The following USP53 variants were observed in gnomAD, a reference collection of about 807,000 sequenced individuals.
The protein encoded by USP53 is ubiquitin specific peptidase 53.
USP53 carries 71 observed loss-of-function variants against 94.9 expected under a neutral mutation model. The ratio of observed to expected loss-of-function variants is 0.75; its 90% CI spans 0.62 to 0.91. USP53 has a LOEUF of 0.91. USP53 is among the 40% of genes least tolerant of loss of function. USP53 has a pLI of 0.00. For synonymous variants in USP53, 375 were observed against 422.7 expected (o/e 0.89, Z 1.39); for missense variants, 1,173 against 1,281.0 (o/e 0.92, Z 1.29).
intron 7 of USP53, among the ~76,000 whole-genome samples, chr4:119,253,331 A>G (rs907226787): frequency 6.6e-6 from 1 of 152,124 alleles, no homozygotes; most frequent in African/African-American, 2.4e-5. Flanking sequence ...AAAGTCTCCC[A>G]TTATTATTGC....
chr4:119,288,062 T>C (rs1235663268), intron 17 of USP53, among the ~76,000 whole-genome samples: 2 of 152,234 alleles, frequency 1.3e-5, no homozygotes, highest in Non-Finnish European at 2.9e-5. Context: ...GATATCTTTA[T>C]AATCTTAGAA....
At chr4:119,213,911 G>GAAGA (rs1296733429) in intron 1 of USP53, among the ~76,000 whole-genome samples, 159 bp from the exon 2 acceptor site, 3 of 151,156 alleles carry the variant, frequency 2.0e-5, no homozygotes, top group Non-Finnish European at 2.9e-5. Context: ...GTACACTTAG[G>GAAGA]AAGGTTTTTG....
intron 5 of USP53, among the ~76,000 whole-genome samples, chr4:119,241,161 C>T (rs80228054): frequency 0.011 from 1,608 of 152,212 alleles, 29 homozygotes; most frequent in African/African-American, 0.036. Context: ...AGAAACAAAA[C>T]GCATATTAGA....
chr4:119,231,619 G>T (rs548842808), intron 3 of USP53, among the ~76,000 whole-genome samples: 1 of 152,108 alleles, frequency 6.6e-6, no homozygotes, highest in Non-Finnish European at 1.5e-5. Context: ...TCTCTAGCAG[G>T]ACTCACAGGG....
intron 7 of USP53, among the ~76,000 whole-genome samples, chr4:119,249,575 G>A (rs910277192): frequency 8.0e-5 from 12 of 150,920 alleles, no homozygotes; most frequent in South Asian, 2.1e-4. Flanking sequence ...TTTTCTTTCC[G>A]TATTAATTCC....
chr4:119,279,826 C>G (rs551982156), intron 17 of USP53, among the ~76,000 whole-genome samples: 4 of 152,142 alleles, frequency 2.6e-5, no homozygotes, highest in African/African-American at 9.7e-5. Flanking sequence ...TAAGCCGGTC[C>G]GAAAAGCGCA....
rs374987384 is a variant in USP53 at position 119,239,901 on chromosome 4, C to G, written c.142C>G (p.Gln48Glu). ...QNSCFLNSAV[Q>E]VLWQLDIFRR... ...CAGCTGCTTTCTTAATAGCGCTGTA[C>G]AGGTGAGACCATAATTACTTATTAC... The change falls in exon 5 of 19, where the codon CAG becomes GAG. Residue 48 changes from glutamine to glutamate, a missense_variant and splice_region_variant. Physicochemically the swap from Gln to Glu is conservative, Grantham distance 29. Coordinates refer to ENST00000692078, the MANE Select transcript of USP53 (RefSeq NM_001371395.1). 5 of 1,492,124 alleles carry G rather than the reference C, an allele frequency of 3.4e-6. No individual in the cohort carries two copies. The African/African-American group carries it at 5.6e-5, about 17-fold the overall frequency. 92.4% of individuals were successfully genotyped at this position (1,492,124 alleles called of 1,614,324 possible).
At chr4:119,235,525 C>T (rs1746617471) in intron 4 of USP53, 114 bp downstream of exon 4, 1 of 152,074 alleles carries the variant, frequency 6.6e-6, no homozygotes, top group Non-Finnish European at 1.5e-5. Context: ...TGATCTTCCG[C>T]ACTTGACCTC....
In USP53 at chr4:119,256,424, T is replaced by C. The variant is rs1261394049; in HGVS notation, c.487-17T>C. 5.6e-6 allele frequency: 9 copies of C among 1,613,816 alleles called. No homozygotes were observed. The highest frequency in any genetic ancestry group is 1.1e-5 in the South Asian group (1 of 91,076). On this transcript the variant is annotated splice_polypyrimidine_tract_variant and intron_variant, in intron 8 of 18. Transcript: ENST00000692078. ...TTTTATGATTGATAGATTAAACATA[T>C]GTTTTTACCTATATAGTGTGTGTGT...
chr4:119,259,984 A>G lies in USP53; in HGVS notation c.675+59A>G, dbSNP rs1020663409. 7 of 1,258,094 alleles carry G rather than the reference A, an allele frequency of 5.6e-6. No homozygotes were observed. In the Admixed American group the frequency reaches 1.3e-4, roughly 23 times the overall value. 77.9% of individuals were successfully genotyped at this position (1,258,094 alleles called of 1,614,324 possible). A position where few individuals can be genotyped will look rare whatever the true frequency, so the allele number is the denominator to read the frequency against. On this transcript the variant is annotated intron_variant, in intron 10 of 18. Transcript: ENST00000692078. ...TTGTTTTGTAGATTTGAAAATAGGC[A>G]TTCAGATATTATCATGTAAATATTG...
rs1755077976 is a variant in USP53 at position 119,294,445 on chromosome 4, G to A, written c.*1234G>A. 1 of 151,984 alleles carries A rather than the reference G, an allele frequency of 6.6e-6. No individual in the cohort carries two copies. Among genetic ancestry groups the A allele is most frequent in the African/African-American group, 2.4e-5 (1 of 41,418 alleles). The allele number at this position is 151,984 out of a possible 1,614,324, so 9.4% of individuals were successfully genotyped here. The stretch of plus-strand genomic sequence containing the variant: ...ATTTTTATTATTATGGTAACCTTAT[G>A]AGTAAAAATAAGTTACTTTAATTGC... On this transcript the variant is annotated 3_prime_UTR_variant, in exon 19 of 19. Transcript: ENST00000692078.
intron 17 of USP53, among the ~76,000 whole-genome samples, chr4:119,274,212 G>A (rs1046190335): frequency 3.3e-5 from 5 of 150,984 alleles, no homozygotes; most frequent in Non-Finnish European, 7.4e-5. Flanking sequence ...TCGTCATCTA[G>A]CATTAGGTAT....
Position 119,271,576 on chromosome 4 carries a change from C to G in USP53, c.1716C>G (p.Ser572Arg). ...AAGATTCTAGGGATAGAGGAAACAG[C>G]TGTGATAGCAGCAGTAAAAGCCGGA... ...SSQDSRDRGNSCDSSSKSRNR... is the reference protein window; with the variant it reads ...SSQDSRDRGNRCDSSSKSRNR... Residue 572 changes from serine (S) to arginine (R), a missense_variant, in exon 16 of 19, where the codon AGC (serine) becomes AGG (arginine). Transcript: ENST00000692078. The G allele has an allele frequency of 6.2e-7, 1 of 1,613,684 alleles. No homozygotes were observed. The highest frequency in any genetic ancestry group is 8.5e-7 in the Non-Finnish European group (1 of 1,180,026).
chr4:119,267,323 G>C lies in USP53; in HGVS notation c.976G>C (p.Gly326Arg). The change falls in exon 13 of 19, where the codon GGA (glycine) becomes CGA (arginine). Residue 326 changes from glycine to arginine, a missense_variant. Transcript: ENST00000692078. ...FFDDANVKEIGTRWKDVVSKC... is the reference protein window; with the variant it reads ...FFDDANVKEIRTRWKDVVSKC... ...ATTCATTGTGTTTTTTTAAAAGATT[G>C]GAACTAGATGGAAAGATGTTGTCTC... 6.2e-7 allele frequency: 1 copy of C among 1,610,398 alleles called. No homozygotes were observed. The highest frequency in any genetic ancestry group is 8.5e-7 in the Non-Finnish European group (1 of 1,178,908).
At chr4:119,279,254 G>T (rs1160561422) in intron 17 of USP53, among the ~76,000 whole-genome samples, 1 of 113,432 alleles carries the variant, frequency 8.8e-6, no homozygotes, top group African/African-American at 3.5e-5. Flanking sequence ...GGTCTTTGAT[G>T]ATGGTGATGT....
At chr4:119,215,659 T>C (rs1743635626) in intron 2 of USP53, among the ~76,000 whole-genome samples, 2 of 152,152 alleles carry the variant, frequency 1.3e-5, no homozygotes, top group Admixed American at 1.3e-4. Context: ...TTTTATTTTG[T>C]TCATTTACAA....
chr4:119,239,503 A>G lies in USP53; in HGVS notation c.-257A>G. 2.3e-6 allele frequency: 1 copy of G among 441,038 alleles called. No individual in the cohort carries two copies. Among genetic ancestry groups the G allele is most frequent in the East Asian group, 3.3e-5 (1 of 30,510 alleles). 27.3% of individuals were successfully genotyped at this position (441,038 alleles called of 1,614,324 possible). A position where few individuals can be genotyped will look rare whatever the true frequency, so the allele number is the denominator to read the frequency against. On this transcript the variant is annotated 5_prime_UTR_variant, in exon 5 of 19. In the 5' UTR this introduces an upstream ATG that the reference lacks. Coordinates refer to ENST00000692078, the MANE Select transcript of USP53 (RefSeq NM_001371395.1). Reference sequence around the variant, plus strand: ...ACAGCTCCCATAAAATTTAACACATATAAACATCTTTAACGCCTTGTTTAA... The same window carrying G: ...ACAGCTCCCATAAAATTTAACACATGTAAACATCTTTAACGCCTTGTTTAA...
At chr4:119,280,938 C>T (rs1578563869) in intron 17 of USP53, among the ~76,000 whole-genome samples, 1 of 152,284 alleles carries the variant, frequency 6.6e-6, no homozygotes, top group East Asian at 1.9e-4. Flanking sequence ...GTCTTCTAAC[C>T]AGGCCTGATT....
intron 4 of USP53, among the ~76,000 whole-genome samples, chr4:119,236,631 A>C (rs1189364962): frequency 1.3e-5 from 2 of 152,194 alleles, no homozygotes; most frequent in African/African-American, 4.8e-5. Context: ...CATCTCAAGA[A>C]ACCACTTTCT....
Sources: gnomAD v4.1 joint callset for allele counts (sites outside exome capture counted in the v4.1 genomes callset) on GRCh38, gnomAD v4.1.1 for gene constraint, MANE v1.5 for transcripts, NCBI Gene and HGNC (gene_info 2026-07-23, HGNC 2026-07-21) for gene names.